GLI2: variants seen among roughly 807,000 people sequenced by gnomAD.
The protein encoded by GLI2 is transcription activator GLI2.
In GLI2, 22 loss-of-function variants were observed where a neutral mutation model predicts 78.9. The observed-to-expected ratio is 0.28, with a 90% confidence interval of 0.20 to 0.40. GLI2 has a LOEUF of 0.40. Ranked by LOEUF, GLI2 falls within the 10% of genes least tolerant of loss-of-function variation. The probability of loss-of-function intolerance (pLI) is 1.00; values close to 1 mark genes in which losing one functional copy is unlikely to be tolerated. For synonymous variants in GLI2, 974 were observed against 963.7 expected (o/e 1.01, Z -0.20); for missense variants, 2,097 against 2,213.2 (o/e 0.95, Z 1.05).
intron 2 of GLI2, among the ~76,000 whole-genome samples, chr2:120,806,592 G>A (rs938410312): frequency 6.6e-6 from 1 of 152,192 alleles, no homozygotes; most frequent in Non-Finnish European, 1.5e-5. Context: ...AGCTCAGTCT[G>A]TATGTCTCCT....
chr2:120,892,996 C>T (rs537054613), intron 2 of GLI2, among the ~76,000 whole-genome samples: 94 of 152,338 alleles, frequency 6.2e-4, no homozygotes, highest in Admixed American at 1.6e-3. Context: ...GATAGACCAC[C>T]GCTAACCCGA....
chr2:120,736,282 C>T lies in GLI2; in HGVS notation c.-34C>T, dbSNP rs1366466143. On this transcript the variant is annotated 5_prime_UTR_variant, in exon 1 of 14. Transcript: ENST00000361492. ...GTGCTAGAGGCAAACTTTTGTCTCTCTCGGTAAAGTTGCATTGGCCTTCTT... is the reference window on the plus strand; with the variant it reads ...GTGCTAGAGGCAAACTTTTGTCTCTTTCGGTAAAGTTGCATTGGCCTTCTT... 1 of 152,040 alleles carries T rather than the reference C, an allele frequency of 6.6e-6. No homozygotes were observed. Among genetic ancestry groups the T allele is most frequent in the African/African-American group, 2.4e-5 (1 of 41,410 alleles). 9.4% of individuals were successfully genotyped at this position (152,040 alleles called of 1,614,324 possible).
rs1680988902 is a variant in GLI2, at chr2:120,951,450, G to A, written c.457+5G>A. On this transcript the variant is annotated splice_donor_5th_base_variant and intron_variant, in intron 4 of 13. Coordinates refer to ENST00000361492, the MANE Select transcript of GLI2 (RefSeq NM_001374353.1). ...GGGGCCTCAGCCCCGCTGATGGTGA[G>A]TAGGGTGTGGGGATGGGGAGGGGCA... 6.3e-7 allele frequency: 1 copy of A among 1,598,850 alleles called. No homozygotes were observed.
Position 120,879,748 on chromosome 2 carries a change from G to A in GLI2, c.149-47613G>A, listed in dbSNP as rs547381032. Among the ~76,000 whole-genome samples the A allele has an allele frequency of 7.2e-5, 11 of 152,294 alleles. No homozygotes were observed. In the South Asian group the frequency reaches 2.3e-3, roughly 32 times the overall value. On this transcript the variant is annotated intron_variant, in intron 2 of 13. Coordinates refer to ENST00000361492, the MANE Select transcript of GLI2 (RefSeq NM_001374353.1). ...AATTACTACTTAGGAGTTTGTGGAC[G>A]AAAAGCAGTAGATTCCAATTGAGTG... is the stretch of plus-strand genomic sequence containing the variant.
chr2:120,790,961 A>G (rs1232696895), intron 1 of GLI2, among the ~76,000 whole-genome samples: 3 of 151,994 alleles, frequency 2.0e-5, no homozygotes, highest in Non-Finnish European at 4.4e-5. Context: ...AATAGGTGTT[A>G]CGGGCCATGC....
chr2:120,892,657 C>G (rs942393607), intron 2 of GLI2, among the ~76,000 whole-genome samples: 2 of 152,220 alleles, frequency 1.3e-5, no homozygotes, highest in Admixed American at 6.5e-5. Flanking sequence ...GAAATTAACA[C>G]TGATAATCAG....
chr2:120,963,861 CT>C (rs1287989806), intron 5 of GLI2, among the ~76,000 whole-genome samples: 8 of 152,352 alleles, frequency 5.3e-5, no homozygotes, highest in Admixed American at 5.2e-4. Flanking sequence ...TTACTTAACA[CT>C]TTAAAGTTTG....
At chr2:120,817,445 G>C (rs943974900) in intron 2 of GLI2, among the ~76,000 whole-genome samples, 4 of 152,038 alleles carry the variant, frequency 2.6e-5, no homozygotes, top group Non-Finnish European at 5.9e-5. Flanking sequence ...TGGCCCCGCT[G>C]ATGAGCTCGC....
chr2:120,845,896 C>T (rs1181340113), intron 2 of GLI2, among the ~76,000 whole-genome samples: 6 of 152,168 alleles, frequency 3.9e-5, no homozygotes, highest in Non-Finnish European at 8.8e-5. Context: ...CAGGTTAGCC[C>T]ATTTGATCCT....
intron 3 of GLI2, among the ~76,000 whole-genome samples, chr2:120,930,729 T>A (rs1365347111): frequency 6.6e-6 from 1 of 152,230 alleles, no homozygotes; most frequent in African/African-American, 2.4e-5. Context: ...GCCTTGCAGG[T>A]AATGCAGTTG....
At chr2:120,829,024 G>T (rs987791519) in intron 2 of GLI2, among the ~76,000 whole-genome samples, 1 of 152,110 alleles carries the variant, frequency 6.6e-6, no homozygotes, top group African/African-American at 2.4e-5. Flanking sequence ...ATGACATGCT[G>T]TCACTCATAC....
intron 1 of GLI2, among the ~76,000 whole-genome samples, chr2:120,777,528 G>A (rs908993282): frequency 5.3e-5 from 8 of 151,934 alleles, no homozygotes; most frequent in Admixed American, 1.3e-4. Flanking sequence ...GGAGGGGCGC[G>A]GCAGGCAGGT....
rs147403076 is a variant in GLI2 at position 120,927,455 on chromosome 2, C to T, written c.243C>T (p.His81=). The T allele has an allele frequency of 1.4e-4, 230 of 1,609,592 alleles. No individual in the cohort carries two copies. Among genetic ancestry groups the T allele is most frequent in the Admixed American group, 8.3e-4 (50 of 60,022 alleles). Residue 81 remains histidine, a synonymous_variant, in exon 3 of 14, where the codon CAC becomes CAT. Coordinates refer to ENST00000361492, the MANE Select transcript of GLI2 (RefSeq NM_001374353.1). Reference sequence around the variant, plus strand: ...ACCATTACGAGCCTCATTCTGTCCACGGTGTGCACGGGTAAGTCCTGCCCT... The same window carrying T: ...ACCATTACGAGCCTCATTCTGTCCATGGTGTGCACGGGTAAGTCCTGCCCT... ...GRYHYEPHSV[H]GVHGPPALSG...
In GLI2 at chr2:120,988,559, C is replaced by G; in HGVS notation, c.2594C>G (p.Thr865Arg). The G allele has an allele frequency of 6.7e-7, 1 of 1,499,958 alleles. No individual in the cohort carries two copies. Among genetic ancestry groups the G allele is most frequent in the Non-Finnish European group, 8.8e-7 (1 of 1,131,190 alleles). The allele number at this position is 1,499,958 out of a possible 1,614,324, so 92.9% of individuals were successfully genotyped here. A position where few individuals can be genotyped will look rare whatever the true frequency, so the allele number is the denominator to read the frequency against. ...CSGGSGLLNL[T>R]PAQQYSLRAK... is the part of the protein sequence containing the mutation. ...GGCGGCTCCGGGCTGCTCAACCTCA[C>G]GCCGGCGCAGCAGTACAGCCTGCGG... is the stretch of plus-strand genomic sequence containing the variant. The change falls in exon 14 of 14, where the codon ACG becomes AGG. Residue 865 changes from threonine to arginine, a missense_variant. By Grantham distance (71) the Thr-to-Arg change is moderately conservative (BLOSUM62 -1). Coordinates refer to ENST00000361492, the MANE Select transcript of GLI2 (RefSeq NM_001374353.1).
Position 120,974,772 on chromosome 2 carries a change from G to A in GLI2, c.1183-203G>A, listed in dbSNP as rs929949405. On this transcript the variant is annotated intron_variant, in intron 8 of 13. Transcript: ENST00000361492. ...TGAGTTGAGGAAAGGAGCTAAAAAG[G>A]CTGATGAGTGTGTGTGTGTGTGTGT... 1.4e-5 allele frequency: 10 copies of A among 721,440 alleles called. No homozygotes were observed. The African/African-American group carries it at 2.0e-4, about 14-fold the overall frequency. The allele number at this position is 721,440 out of a possible 1,614,324, so 44.7% of individuals were successfully genotyped here.
At chr2:120,862,525 C>T (rs1435120032) in intron 2 of GLI2, among the ~76,000 whole-genome samples, 2 of 152,182 alleles carry the variant, frequency 1.3e-5, no homozygotes, top group African/African-American at 4.8e-5. Context: ...GACCCCGTCT[C>T]TCTGTCTTCT....
intron 1 of GLI2, among the ~76,000 whole-genome samples, chr2:120,786,318 C>T (rs564274412): frequency 6.6e-6 from 1 of 152,272 alleles, no homozygotes; most frequent in African/African-American, 2.4e-5. Context: ...TCGGTTGGAT[C>T]ACATTGTTTG....
intron 8 of GLI2, among the ~76,000 whole-genome samples, chr2:120,973,832 T>C (rs1682315724): frequency 6.6e-6 from 1 of 152,156 alleles, no homozygotes; most frequent in African/African-American, 2.4e-5. Flanking sequence ...GCAGCTCTTA[T>C]GGAAAGTCAG....
At chr2:120,771,464 T>TA (rs1252865196) in intron 1 of GLI2, among the ~76,000 whole-genome samples, 1 of 152,224 alleles carries the variant, frequency 6.6e-6, no homozygotes, top group African/African-American at 2.4e-5. Context: ...CCTTTCAACT[T>TA]AGAGTTCTTG....
Sources: allele counts gnomAD v4.1 joint callset (sites outside exome capture counted in the v4.1 genomes callset), GRCh38; gene constraint gnomAD v4.1.1; transcripts MANE v1.5; gene names NCBI Gene and HGNC (gene_info 2026-07-23, HGNC 2026-07-21).